RPS6KC1: variants seen among roughly 807,000 people sequenced by gnomAD.
The protein encoded by RPS6KC1 is inactive ribosomal protein S6 kinase delta-1.
Under a neutral mutation model 103.8 loss-of-function variants are expected in RPS6KC1, and 54 were observed. The observed-to-expected ratio is 0.52, with a 90% CI of 0.42 to 0.65. The LOEUF is 0.65. RPS6KC1 is among the 30% of genes least tolerant of loss of function. RPS6KC1 has a pLI of 0.00. For missense variants in RPS6KC1, 1,151 were observed against 1,253.8 expected, an observed-to-expected ratio of 0.92 and a Z score of 1.24; for synonymous variants, 439 against 438.7, an observed-to-expected ratio of 1.00 and a Z score of -0.01.
At chr1:213,809,207 G>T in the RPS6KC1 span, among the ~76,000 whole-genome samples, 1 of 152,152 alleles carries the variant, frequency 6.6e-6, no homozygotes, top group Non-Finnish European at 1.5e-5. Flanking sequence ...ATGTCTCATG[G>T]AATAGAGAGG....
At chr1:213,856,695 A>G in the RPS6KC1 span, among the ~76,000 whole-genome samples, 2 of 152,278 alleles carry the variant, frequency 1.3e-5, no homozygotes, top group Non-Finnish European at 2.9e-5. Flanking sequence ...CAATCTGTTA[A>G]GGAAACACTG....
chr1:213,166,231 C>A (rs1399066691), intron 6 of RPS6KC1, among the ~76,000 whole-genome samples: 1 of 151,474 alleles, frequency 6.6e-6, no homozygotes, highest in Admixed American at 6.6e-5. Flanking sequence ...TAAGGTGAAT[C>A]AAAAATCTTA....
the RPS6KC1 span, among the ~76,000 whole-genome samples, chr1:213,310,105 G>C: frequency 6.6e-6 from 1 of 152,076 alleles, no homozygotes; most frequent in African/African-American, 2.4e-5. Flanking sequence ...GCCCATCCTC[G>C]GGTGTCCTGC....
the RPS6KC1 span, among the ~76,000 whole-genome samples, chr1:213,735,912 C>T: frequency 6.6e-6 from 1 of 152,182 alleles, no homozygotes; most frequent in African/African-American, 2.4e-5. Flanking sequence ...AAGTCACTCA[C>T]AGATTCTGTG....
chr1:213,468,897 C>G, the RPS6KC1 span, among the ~76,000 whole-genome samples: 1 of 152,112 alleles, frequency 6.6e-6, no homozygotes, highest in Non-Finnish European at 1.5e-5. Context: ...GACCCTGGGC[C>G]TTCATATGCT....
At chr1:213,238,233 G>T (rs958535994) in intron 10 of RPS6KC1, among the ~76,000 whole-genome samples, 3 of 152,122 alleles carry the variant, frequency 2.0e-5, no homozygotes, top group Admixed American at 2.0e-4. Context: ...GGGATACAAA[G>T]AAATTGGTAA....
At chr1:213,110,928 T>C (rs2148832422) in intron 4 of RPS6KC1, among the ~76,000 whole-genome samples, 1 of 152,038 alleles carries the variant, frequency 6.6e-6, no homozygotes, top group South Asian at 2.1e-4. Flanking sequence ...CTACTATTAT[T>C]GACAATATTT....
chr1:213,309,476 T>A, the RPS6KC1 span, among the ~76,000 whole-genome samples: 1 of 152,198 alleles, frequency 6.6e-6, no homozygotes, highest in Admixed American at 6.5e-5. Flanking sequence ...AAAAATAAAG[T>A]GAAAAGTATC....
chr1:213,640,455 A>ATT, the RPS6KC1 span, among the ~76,000 whole-genome samples: 888 of 139,938 alleles, frequency 6.3e-3, 3 homozygotes, highest in African/African-American at 0.022. Context: ...ATTTGTGTTC[A>ATT]TTTTTTTTTT....
chr1:213,414,061 T>C, the RPS6KC1 span, among the ~76,000 whole-genome samples: 4 of 152,066 alleles, frequency 2.6e-5, no homozygotes, highest in African/African-American at 7.2e-5. Context: ...CTAATGACCA[T>C]CTCCCCTCAC....
At chr1:213,689,911 A>G in the RPS6KC1 span, among the ~76,000 whole-genome samples, 1 of 152,204 alleles carries the variant, frequency 6.6e-6, no homozygotes, top group East Asian at 1.9e-4. Flanking sequence ...GTCCAGGGAC[A>G]GAAGTGCAGT....
At chr1:213,449,181 G>T in the RPS6KC1 span, among the ~76,000 whole-genome samples, 2 of 152,148 alleles carry the variant, frequency 1.3e-5, no homozygotes, top group Non-Finnish European at 1.5e-5. Context: ...GTTGTTTGAG[G>T]TTCTTCCAGT....
the RPS6KC1 span, among the ~76,000 whole-genome samples, chr1:213,635,892 C>T: frequency 1.1e-4 from 16 of 152,272 alleles, no homozygotes; most frequent in East Asian, 2.9e-3. Context: ...CCCAAATCTC[C>T]TAAAGCTGAT....
At chr1:213,204,836 C>G (rs1462872453) in intron 8 of RPS6KC1, among the ~76,000 whole-genome samples, 2 of 151,904 alleles carry the variant, frequency 1.3e-5, no homozygotes, top group African/African-American at 4.8e-5. Flanking sequence ...GCTTTGTTGT[C>G]CAGGGTAGTC....
At chr1:213,742,769 T>C in the RPS6KC1 span, among the ~76,000 whole-genome samples, 36 of 152,372 alleles carry the variant, frequency 2.4e-4, no homozygotes, top group African/African-American at 7.7e-4. Context: ...CTGGAAGCAC[T>C]GCATGCACAG....
chr1:213,643,715 A>G, the RPS6KC1 span, among the ~76,000 whole-genome samples: 2 of 151,876 alleles, frequency 1.3e-5, no homozygotes, highest in Non-Finnish European at 2.9e-5. Context: ...GTTTTATTCT[A>G]ATTTTATTGG....
chr1:213,717,358 T>A, the RPS6KC1 span, among the ~76,000 whole-genome samples: 389 of 152,244 alleles, frequency 2.6e-3, 1 homozygote, highest in African/African-American at 8.7e-3. Flanking sequence ...TGATGGACTT[T>A]GAAGGATAAA....
At chr1:213,197,074 C>T (rs976935353) in intron 8 of RPS6KC1, among the ~76,000 whole-genome samples, 14 of 152,140 alleles carry the variant, frequency 9.2e-5, no homozygotes, top group Non-Finnish European at 1.2e-4. Context: ...TGACCTCAGG[C>T]GATCCACCCG....
the RPS6KC1 span, among the ~76,000 whole-genome samples, chr1:213,290,912 C>G: frequency 1.3e-5 from 2 of 152,164 alleles, no homozygotes; most frequent in Non-Finnish European, 2.9e-5. Flanking sequence ...GACCTGGGCC[C>G]CCTCACCCTT....
Sources: allele counts gnomAD v4.1 joint callset (sites outside exome capture counted in the v4.1 genomes callset), GRCh38; gene constraint gnomAD v4.1.1; transcripts MANE v1.5; gene names NCBI Gene and HGNC (gene_info 2026-07-23, HGNC 2026-07-21).